Variants in DTNBP1 observed in about 807,000 individuals in gnomAD.
DTNBP1 encodes dysbindin.
A neutral mutation model predicts 42.8 loss-of-function variants in DTNBP1; 35 were observed. The observed-to-expected ratio is 0.82, with a 90% CI of 0.63 to 1.09. DTNBP1 has a LOEUF of 1.09. DTNBP1 is among the 50% of genes least tolerant of loss of function. The probability of loss-of-function intolerance (pLI) is 0.00; values close to 1 mark genes in which losing one functional copy is unlikely to be tolerated. For synonymous variants in DTNBP1, 171 were observed against 162.2 expected (o/e 1.05, Z -0.41); for missense variants, 457 against 424.2 (o/e 1.08, Z -0.68).
At chr6:15,584,009 A>G (rs1452905345) in intron 7 of DTNBP1, among the ~76,000 whole-genome samples, 1 of 152,206 alleles carries the variant, frequency 6.6e-6, no homozygotes, top group Non-Finnish European at 1.5e-5. Flanking sequence ...AGAATAAACA[A>G]TCAACTCCGT....
At chr6:15,607,284 C>A (rs1457946593) in intron 6 of DTNBP1, among the ~76,000 whole-genome samples, 1 of 151,370 alleles carries the variant, frequency 6.6e-6, no homozygotes, top group Non-Finnish European at 1.5e-5. Flanking sequence ...CAGGCATGAG[C>A]CACTGTGCCC....
chr6:15,564,596 CAG>C (rs201096234), intron 7 of DTNBP1, among the ~76,000 whole-genome samples: 1,916 of 152,116 alleles, frequency 0.013, 25 homozygotes, highest in Middle Eastern at 0.02. Context: ...TTAGTAGAGA[CAG>C]GGTTTTACCA....
chr6:15,531,858 T>G (rs2127795900), intron 8 of DTNBP1, among the ~76,000 whole-genome samples: 1 of 152,360 alleles, frequency 6.6e-6, no homozygotes, highest in Middle Eastern at 3.4e-3. Flanking sequence ...GGTCTCCATC[T>G]CTTGACCTCG....
rs114340203 is a variant in DTNBP1, at chr6:15,573,118, C to T, written c.511+19941G>A. On this transcript the variant is annotated intron_variant, in intron 7 of 9. Transcript: ENST00000344537. Reference sequence around the variant, plus strand: ...AAAATACATGGTTTAAAGATTAAACCATGTTTATCCCCTAAATAGTAGCAA... The same window carrying T: ...AAAATACATGGTTTAAAGATTAAACTATGTTTATCCCCTAAATAGTAGCAA... Among the ~76,000 whole-genome samples, 330 of 152,182 alleles carry T rather than the reference C, an allele frequency of 2.2e-3. 1 individual carries two copies. The highest frequency in any genetic ancestry group is 7.3e-3 in the African/African-American group (305 of 41,506).
intron 3 of DTNBP1, among the ~76,000 whole-genome samples, chr6:15,650,530 C>A (rs1760929639): frequency 6.6e-6 from 1 of 152,140 alleles, no homozygotes; most frequent in Non-Finnish European, 1.5e-5. Context: ...GATCTGCCTG[C>A]CTCAGCCTCC....
At chr6:15,615,565 T>C (rs901659093) in intron 5 of DTNBP1, among the ~76,000 whole-genome samples, 166 bp from the exon 6 acceptor site, 3 of 152,216 alleles carry the variant, frequency 2.0e-5, no homozygotes, top group African/African-American at 7.2e-5. Flanking sequence ...TGGCCAACAT[T>C]AAACCATAAT....
intron 7 of DTNBP1, among the ~76,000 whole-genome samples, chr6:15,534,864 A>G (rs1241112528): frequency 6.6e-6 from 1 of 152,154 alleles, no homozygotes; most frequent in African/African-American, 2.4e-5. Context: ...AAATTTTATA[A>G]TTTAAGGGAC....
At chr6:15,634,002 G>T (rs2619549) in intron 4 of DTNBP1, among the ~76,000 whole-genome samples, 38,056 of 151,662 alleles carry the variant, frequency 0.25, 5,472 homozygotes, top group African/African-American at 0.4. Context: ...CTTGCTTTCT[G>T]GCAATATTGG....
intron 9 of DTNBP1, 159 bp downstream of exon 9, chr6:15,524,367 C>T: frequency 6.2e-7 from 1 of 1,613,652 alleles, no homozygotes. Flanking sequence ...GCAGCTGCCA[C>T]ACAGCCGTGT....
intron 6 of DTNBP1, among the ~76,000 whole-genome samples, chr6:15,594,253 A>T (rs572382797): frequency 6.6e-6 from 1 of 152,166 alleles, no homozygotes; most frequent in African/African-American, 2.4e-5. Context: ...ACCTGAGGTC[A>T]GGAGTTCGAG....
At chr6:15,637,929 T>C (rs915093426) in intron 3 of DTNBP1, 125 bp from the exon 4 acceptor site, 1 of 1,034,012 alleles carries the variant, frequency 9.7e-7, no homozygotes, top group Admixed American at 2.0e-5. Flanking sequence ...TGGGGACATG[T>C]TGCAAGGACA....
chr6:15,641,825 C>T (rs933290104), intron 3 of DTNBP1, among the ~76,000 whole-genome samples: 3 of 152,160 alleles, frequency 2.0e-5, no homozygotes, highest in African/African-American at 4.8e-5. Flanking sequence ...TAACCCCCTG[C>T]GTGGGCCATC....
rs191959316 is a variant in DTNBP1, at chr6:15,650,437, G to A, written c.161+876C>T. On this transcript the variant is annotated intron_variant, in intron 3 of 9. Coordinates refer to ENST00000344537, the MANE Select transcript of DTNBP1 (RefSeq NM_032122.5). Reference sequence around the variant, plus strand: ...CTAGGATTGCAGGCATGCACCACCAGGCCCAGCTAATTTTTGTATTTTTAG... The same window carrying A: ...CTAGGATTGCAGGCATGCACCACCAAGCCCAGCTAATTTTTGTATTTTTAG... 1.9e-3 allele frequency among the ~76,000 whole-genome samples: 294 copies of A among 152,038 alleles called. 1 individual carries two copies. Among genetic ancestry groups the A allele is most frequent in the Non-Finnish European group, 2.6e-4 (18 of 67,972 alleles).
chr6:15,625,655 C>T (rs2743867), intron 5 of DTNBP1, among the ~76,000 whole-genome samples: 23,486 of 152,134 alleles, frequency 0.15, 2,693 homozygotes, highest in African/African-American at 0.32. Context: ...ATAATGAGAA[C>T]TGTGGCAGAA....
At chr6:15,559,367 CA>C (rs1485885170) in intron 7 of DTNBP1, among the ~76,000 whole-genome samples, 1 of 151,944 alleles carries the variant, frequency 6.6e-6, no homozygotes, top group Admixed American at 6.6e-5. Context: ...GAGTGAAAAT[CA>C]AAAAAATTGT....
At chr6:15,656,088 G>A (rs545216872) in intron 1 of DTNBP1, among the ~76,000 whole-genome samples, 16 of 152,274 alleles carry the variant, frequency 1.1e-4, no homozygotes, top group Admixed American at 9.8e-4. Context: ...ATGGCATTCT[G>A]GAAACTACAG....
At chr6:15,625,984 C>T (rs2743866) in intron 5 of DTNBP1, among the ~76,000 whole-genome samples, 23,488 of 152,180 alleles carry the variant, frequency 0.15, 2,696 homozygotes, top group African/African-American at 0.32. Flanking sequence ...TTTCCATGCC[C>T]TGCCTTCAGA....
Position 15,662,972 on chromosome 6 carries a change from G to T in DTNBP1, c.-103C>A. 1.3e-6 allele frequency: 2 copies of T among 1,507,294 alleles called. No homozygotes were observed. Among genetic ancestry groups the T allele is most frequent in the Non-Finnish European group, 1.8e-6 (2 of 1,102,610 alleles). The allele number at this position is 1,507,294 out of a possible 1,614,324, so 93.4% of individuals were successfully genotyped here. A position where few individuals can be genotyped will look rare whatever the true frequency, so the allele number is the denominator to read the frequency against. ...ACCCCGCGCTGTCACCGCGCGCCCC[G>T]CACTCCCACTACCGGCCCCGCCCCC... On this transcript the variant is annotated 5_prime_UTR_variant, in exon 1 of 10. Coordinates refer to ENST00000344537, the MANE Select transcript of DTNBP1 (RefSeq NM_032122.5).
intron 3 of DTNBP1, among the ~76,000 whole-genome samples, chr6:15,642,797 C>T (rs1455077210): frequency 6.6e-6 from 1 of 152,008 alleles, no homozygotes; most frequent in Admixed American, 6.6e-5. Flanking sequence ...CACAGCCATA[C>T]CCTTAAGGAA....
Sources: gnomAD v4.1 joint callset for allele counts (sites outside exome capture counted in the v4.1 genomes callset) on GRCh38, gnomAD v4.1.1 for gene constraint, MANE v1.5 for transcripts, NCBI Gene and HGNC (gene_info 2026-07-23, HGNC 2026-07-21) for gene names.